PPP2R2B: variants seen among roughly 807,000 people sequenced by gnomAD.
The protein encoded by PPP2R2B is serine/threonine-protein phosphatase 2A 55 kDa regulatory subunit B beta isoform.
A neutral mutation model predicts 46.0 loss-of-function variants in PPP2R2B; 5 were observed. The ratio of observed to expected loss-of-function variants is 0.11; its 90% CI spans 0.06 to 0.23. PPP2R2B has a LOEUF of 0.23. Among genes scored for constraint, PPP2R2B ranks in the 10% least tolerant of loss-of-function variants. The pLI, the probability that PPP2R2B is intolerant of heterozygous loss-of-function variation, is 1.00. For missense variants in PPP2R2B, 367 were observed against 575.0 expected (o/e 0.64, Z 3.70); for synonymous variants, 215 against 206.7 (o/e 1.04, Z -0.34).
At chr5:146,933,676 GTTT>G (rs540249303) in intron 1 of PPP2R2B, among the ~76,000 whole-genome samples, 2 of 147,508 alleles carry the variant, frequency 1.4e-5, no homozygotes, top group African/African-American at 2.5e-5. Context: ...TTTTTTTTAA[GTTT>G]TTTTTTTCTT....
chr5:146,698,233 T>TG lies in PPP2R2B; in HGVS notation c.169-90dup. The TG allele has an allele frequency of 2.7e-6, 3 of 1,131,270 alleles. No individual in the cohort carries two copies. In the African/African-American group the frequency reaches 5.6e-5, roughly 21 times the overall value. 70.1% of individuals were successfully genotyped at this position (1,131,270 alleles called of 1,614,324 possible). On this transcript the variant is annotated intron_variant, in intron 3 of 9. Transcript: ENST00000394411. ...ACTCCCTTTTTTTTCCAGCAGTCAT[T>TG]GGGGGTGGGATGAGGGCAGGGCCAT...
intron 2 of PPP2R2B, among the ~76,000 whole-genome samples, chr5:147,065,349 T>C (rs1284470642): frequency 6.6e-6 from 1 of 152,228 alleles, no homozygotes; most frequent in Admixed American, 6.5e-5. Context: ...GGAGACAGTA[T>C]GTGTGTAGTG....
chr5:146,706,727 C>G (rs767454499), intron 2 of PPP2R2B: 5 of 816,640 alleles, frequency 6.1e-6, no homozygotes, highest in Non-Finnish European at 1.1e-5. Flanking sequence ...TTGTAAGACG[C>G]AGGTCTTCCC....
intron 9 of PPP2R2B, among the ~76,000 whole-genome samples, chr5:146,590,881 A>C (rs1490818243): frequency 1.3e-5 from 2 of 152,202 alleles, no homozygotes; most frequent in Non-Finnish European, 2.9e-5. Context: ...TTTTAAAAGA[A>C]TCTGGGATGG....
chr5:146,820,235 T>A (rs1298094090), intron 2 of PPP2R2B, among the ~76,000 whole-genome samples: 1 of 152,238 alleles, frequency 6.6e-6, no homozygotes, highest in Admixed American at 6.5e-5. Flanking sequence ...GATACATGTC[T>A]GAGGTGATAT....
chr5:146,768,642 C>T (rs1024705169), intron 2 of PPP2R2B, among the ~76,000 whole-genome samples: 1 of 152,166 alleles, frequency 6.6e-6, no homozygotes, highest in South Asian at 2.1e-4. Flanking sequence ...AACTTCTTCC[C>T]ATGATCTATA....
At chr5:146,840,448 GT>G (rs1780258628) in intron 2 of PPP2R2B, among the ~76,000 whole-genome samples, 1 of 152,144 alleles carries the variant, frequency 6.6e-6, no homozygotes, top group Admixed American at 6.5e-5. Flanking sequence ...ATAAATCTTA[GT>G]TTCTTTTCCT....
intron 2 of PPP2R2B, among the ~76,000 whole-genome samples, chr5:146,725,520 T>C (rs747977935): frequency 6.6e-6 from 1 of 152,192 alleles, no homozygotes; most frequent in Non-Finnish European, 1.5e-5. Flanking sequence ...TCTTAATTCT[T>C]CTATAAGTTG....
chr5:147,076,333 T>C (rs1308841810), intron 2 of PPP2R2B, among the ~76,000 whole-genome samples: 1 of 152,170 alleles, frequency 6.6e-6, no homozygotes, highest in Non-Finnish European at 1.5e-5. Context: ...TGATATTGTC[T>C]GGTGTAAACT....
chr5:146,973,356 A>G (rs539332742), intron 1 of PPP2R2B, among the ~76,000 whole-genome samples: 1 of 152,346 alleles, frequency 6.6e-6, no homozygotes, highest in Non-Finnish European at 1.5e-5. Context: ...CATATTTTAC[A>G]TTATTGTTCA....
chr5:146,792,141 C>T (rs949507172), intron 2 of PPP2R2B, among the ~76,000 whole-genome samples: 11 of 152,114 alleles, frequency 7.2e-5, no homozygotes, highest in Admixed American at 2.0e-4. Context: ...CTATTGAACC[C>T]GGGTAACATA....
chr5:146,822,968 T>C (rs895888263), intron 2 of PPP2R2B, among the ~76,000 whole-genome samples: 6 of 152,140 alleles, frequency 3.9e-5, no homozygotes, highest in African/African-American at 1.2e-4. Flanking sequence ...CATTCTTACA[T>C]CCTTGAGAAA....
rs540998224 is a variant in PPP2R2B at position 147,069,785 on chromosome 5, G to GTTTTTTTTTTTTTTTTTTTTT, written c.50+11253_50+11273dup. On this transcript the variant is annotated intron_variant, in intron 2 of 10. Transcript: ENST00000394413. ...CTCCCACATGAACACATTTTATACT[G>GTTTTTTTTTTTTTTTTTTTTT]TTTTTTTTTTTTTTTTTTTTTTTGA... is the stretch of plus-strand genomic sequence containing the variant. 4.2e-4 allele frequency among the ~76,000 whole-genome samples: 27 copies of GTTTTTTTTTTTTTTTTTTTTT among 64,790 alleles called. 7 individuals are homozygous for GTTTTTTTTTTTTTTTTTTTTT. The highest frequency in any genetic ancestry group is 1.5e-3 in the African/African-American group (20 of 13,262). The allele number at this position is 64,790 out of a possible 152,430, so 42.5% of individuals were successfully genotyped here.
intron 9 of PPP2R2B, among the ~76,000 whole-genome samples, chr5:146,590,716 A>T (rs1770551861): frequency 6.6e-6 from 1 of 152,150 alleles, no homozygotes; most frequent in African/African-American, 2.4e-5. Context: ...GCATCAGTGC[A>T]GTGAGGGGAG....
At chr5:146,787,403 G>A (rs1421979056) in intron 2 of PPP2R2B, among the ~76,000 whole-genome samples, 1 of 152,188 alleles carries the variant, frequency 6.6e-6, no homozygotes, top group Non-Finnish European at 1.5e-5. Flanking sequence ...TTTTTCAAAT[G>A]TTGGCAGCTC....
At chr5:146,901,401 G>A (rs1473023359) in intron 1 of PPP2R2B, among the ~76,000 whole-genome samples, 1 of 151,972 alleles carries the variant, frequency 6.6e-6, no homozygotes, top group East Asian at 1.9e-4. Flanking sequence ...GCTACTTGGG[G>A]GACTGAGGTG....
In PPP2R2B at chr5:146,600,448, G is replaced by A. The variant is rs148423117; in HGVS notation, c.803C>T (p.Pro268Leu). 13 of 1,613,438 alleles carry A rather than the reference G, an allele frequency of 8.1e-6. No homozygotes were observed. Among genetic ancestry groups the A allele is most frequent in the East Asian group, 6.7e-5 (3 of 44,880 alleles). ...AAATGATCTGTTGCTTGGATCTTCCGGCTCTTCAAAAACTGCAGAACAAAA... is the reference window on the plus strand; with the variant it reads ...AAATGATCTGTTGCTTGGATCTTCCAGCTCTTCAAAAACTGCAGAACAAAA... ...CDRHTKFFEEPEDPSNRSFFS... is the reference protein window; with the variant it reads ...CDRHTKFFEELEDPSNRSFFS... Residue 268 changes from proline to leucine, a missense_variant, in exon 8 of 10, where the codon CCG becomes CTG. Transcript: ENST00000394411.
intron 7 of PPP2R2B, among the ~76,000 whole-genome samples, chr5:146,617,276 A>G (rs904240941): frequency 1.3e-5 from 2 of 152,178 alleles, no homozygotes; most frequent in Non-Finnish European, 2.9e-5. Flanking sequence ...AATAGAAAGG[A>G]TGAATAAGAA....
intron 2 of PPP2R2B, among the ~76,000 whole-genome samples, chr5:146,810,534 G>A (rs1757466212): frequency 6.6e-6 from 1 of 152,096 alleles, no homozygotes; most frequent in Non-Finnish European, 1.5e-5. Flanking sequence ...ACCAGATGCG[G>A]AAACTCAGAT....
Sources: allele counts gnomAD v4.1 joint callset (sites outside exome capture counted in the v4.1 genomes callset), GRCh38; gene constraint gnomAD v4.1.1; transcripts MANE v1.5; gene names NCBI Gene and HGNC (gene_info 2026-07-23, HGNC 2026-07-21).